Variants in DCAF13 observed in about 807,000 individuals in gnomAD.
The protein encoded by DCAF13 is DDB1- and CUL4-associated factor 13.
Under a neutral mutation model 59.0 loss-of-function variants are expected in DCAF13, and 38 were observed. The observed-to-expected ratio is 0.64, with a 90% CI of 0.50 to 0.84. The LOEUF (loss-of-function observed/expected upper bound fraction) is 0.84, where lower values mean the gene tolerates loss of function less well. Ranked by LOEUF, DCAF13 falls within the 40% of genes least tolerant of loss-of-function variation. The probability of loss-of-function intolerance (pLI) is 0.00; values close to 1 mark genes in which losing one functional copy is unlikely to be tolerated. For synonymous variants in DCAF13, 173 were observed against 175.0 expected (o/e 0.99, Z 0.09); for missense variants, 469 against 558.4 (o/e 0.84, Z 1.61).
At position 103,441,479 on chromosome 8, in the gene DCAF13, A is replaced by G. The variant is rs765410014; in HGVS notation, c.1111A>G (p.Lys371Glu). ...GCTTACATCACGAGAAAAAGCAGCC[A>G]AGGATTATAACCAGAAATTGAAGGA... is the stretch of plus-strand genomic sequence containing the variant. The part of the protein sequence containing the change: ...GVLTSREKAA[K>E]DYNQKLKEKF... Residue 371 changes from lysine (K) to glutamate (E), a missense_variant, in exon 10 of 11, where the codon AAG becomes GAG. Transcript: ENST00000612750. 1.9e-6 allele frequency: 3 copies of G among 1,589,886 alleles called. No individual in the cohort carries two copies. In the South Asian group the frequency reaches 3.5e-5, roughly 18 times the overall value.
intron 5 of DCAF13, chr8:103,428,837 A>G (rs1816826378): frequency 6.6e-6 from 1 of 152,040 alleles, no homozygotes; most frequent in Non-Finnish European, 1.5e-5. Flanking sequence ...CTAAAATCGT[A>G]ATTATTAGGG....
At chr8:103,426,993 G>A in intron 4 of DCAF13, 104 bp from the exon 5 acceptor site, 1 of 849,054 alleles carries the variant, frequency 1.2e-6, no homozygotes, top group African/African-American at 1.8e-5. Context: ...TTGTGAACAG[G>A]GCTTTTCTCT....
chr8:103,417,184 A>G (rs1246350073), intron 1 of DCAF13, among the ~76,000 whole-genome samples: 1 of 152,176 alleles, frequency 6.6e-6, no homozygotes, highest in Non-Finnish European at 1.5e-5. Context: ...CAAAGTGGGG[A>G]ATTGATTCCA....
At chr8:103,424,988 C>G (rs1274266814) in intron 3 of DCAF13, among the ~76,000 whole-genome samples, 1 of 152,178 alleles carries the variant, frequency 6.6e-6, no homozygotes, top group Non-Finnish European at 1.5e-5. Context: ...AAAGACATCG[C>G]TGTGTAATCT....
chr8:103,427,230 G>C lies in DCAF13; in HGVS notation c.602G>C (p.Ser201Thr). The change falls in exon 5 of 11, where the codon AGT (serine) becomes ACT (threonine). Residue 201 changes from serine to threonine, a missense_variant. Ser to Thr is a moderately conservative substitution (Grantham distance 58, BLOSUM62 1). Transcript: ENST00000612750. ...SMTWGFDSIS[S>T]VKFNPIETFL... ...ACCTGGGGATTTGACAGTATAAGTA[G>C]TGTTAAATTTAACCCAATTGAGGTA... 6.2e-7 allele frequency: 1 copy of C among 1,612,678 alleles called. No homozygotes were observed. Among genetic ancestry groups the C allele is most frequent in the Non-Finnish European group, 8.5e-7 (1 of 1,179,176 alleles).
chr8:103,422,368 G>T (rs1816733548), intron 3 of DCAF13, among the ~76,000 whole-genome samples: 1 of 152,176 alleles, frequency 6.6e-6, no homozygotes, highest in South Asian at 2.1e-4. Context: ...TGAAGCCATA[G>T]TATGGCATCA....
chr8:103,424,258 A>C (rs1002098792), intron 3 of DCAF13, among the ~76,000 whole-genome samples: 2 of 151,940 alleles, frequency 1.3e-5, no homozygotes, highest in East Asian at 1.9e-4. Context: ...CGATCTCCTG[A>C]CCTAGTGATC....
At chr8:103,428,263 C>T (rs1816819387) in intron 5 of DCAF13, 1 of 152,214 alleles carries the variant, frequency 6.6e-6, no homozygotes, top group Non-Finnish European at 1.5e-5. Context: ...CACACACTTT[C>T]TAGAGACGCT....
chr8:103,441,378 A>G, intron 9 of DCAF13, 77 bp from the exon 10 acceptor site: 2 of 1,382,780 alleles, frequency 1.4e-6, no homozygotes, highest in Non-Finnish European at 9.8e-7. Flanking sequence ...TTAGGGGGAA[A>G]AGGGTGCTTT....
intron 1 of DCAF13, among the ~76,000 whole-genome samples, chr8:103,415,785 C>A (rs1266862023): frequency 6.6e-6 from 1 of 152,188 alleles, no homozygotes; most frequent in Non-Finnish European, 1.5e-5. Context: ...AGCTGCTGCT[C>A]TGGGATTGTC....
Position 103,420,277 on chromosome 8 carries a change from T to C in DCAF13, c.84T>C (p.Tyr28=). Residue 28 remains tyrosine, a synonymous_variant, in exon 2 of 11, where the codon TAT becomes TAC. Transcript: ENST00000612750. Reference sequence around the variant, plus strand: ...TTCTTATTTCAGTTCCAAGAAACTATGATCCTGCTTTACATCCTTTTGAGG... The same window carrying C: ...TTCTTATTTCAGTTCCAAGAAACTACGATCCTGCTTTACATCCTTTTGAGG... The part of the protein sequence containing the change: ...KLDLQRVPRN[Y]DPALHPFEVP... 6.2e-7 allele frequency: 1 copy of C among 1,613,760 alleles called. No individual in the cohort carries two copies. Among genetic ancestry groups the C allele is most frequent in the Non-Finnish European group, 8.5e-7 (1 of 1,179,862 alleles).
chr8:103,427,195 A>G lies in DCAF13; in HGVS notation c.567A>G (p.Ile189Met), dbSNP rs759596988. Residue 189 changes from isoleucine to methionine, a missense_variant, in exon 5 of 11, where the codon ATA (isoleucine) becomes ATG (methionine). Physicochemically the swap from Ile to Met is conservative, Grantham distance 10. Coordinates refer to ENST00000612750, the MANE Select transcript of DCAF13 (RefSeq NM_015420.7). ...DIWDEQRTNP[I>M]CSMTWGFDSI... is the part of the protein sequence containing the mutation. ...GGGATGAACAAAGAACTAATCCTAT[A>G]TGTTCAATGACCTGGGGATTTGACA... 1.2e-6 allele frequency: 2 copies of G among 1,613,560 alleles called. No homozygotes were observed. Among genetic ancestry groups the G allele is most frequent in the Non-Finnish European group, 8.5e-7 (1 of 1,179,618 alleles).
chr8:103,427,150 T>G lies in DCAF13; in HGVS notation c.522T>G (p.Cys174Trp). The G allele has an allele frequency of 6.2e-7, 1 of 1,613,472 alleles. No individual in the cohort carries two copies. The highest frequency in any genetic ancestry group is 1.1e-5 in the South Asian group (1 of 91,056). ...HHWKEAVFAT[C>W]GQQVDIWDEQ... Reference sequence around the variant, plus strand: ...GGAAAGAAGCTGTTTTTGCCACATGTGGACAGCAAGTAGACATTTGGGATG... The same window carrying G: ...GGAAAGAAGCTGTTTTTGCCACATGGGGACAGCAAGTAGACATTTGGGATG... Residue 174 changes from cysteine (C) to tryptophan (W), a missense_variant, in exon 5 of 11, where the codon TGT (cysteine) becomes TGG (tryptophan). This residue lies in a region of DCAF13 where 355 missense variants were observed against 399.1 expected (regional missense o/e 0.89). Transcript: ENST00000612750.
At position 103,434,865 on chromosome 8, in the gene DCAF13, C is replaced by T. The variant is rs917050432; in HGVS notation, c.786-761C>T. Among the ~76,000 whole-genome samples the T allele has an allele frequency of 3.3e-5, 5 of 151,968 alleles. No individual in the cohort carries two copies. The South Asian group carries it at 8.3e-4, about 25-fold the overall frequency. Reference sequence around the variant, plus strand: ...GTATAGTTTCTCATTTTGATTCACCCTTTGAAAGGCCATGTTCACTCTTAC... The same window carrying T: ...GTATAGTTTCTCATTTTGATTCACCTTTTGAAAGGCCATGTTCACTCTTAC... On this transcript the variant is annotated intron_variant, in intron 7 of 10. Coordinates refer to ENST00000612750, the MANE Select transcript of DCAF13 (RefSeq NM_015420.7).
Position 103,431,904 on chromosome 8 carries a change from G to A in DCAF13, c.703-755G>A, listed in dbSNP as rs75121891. On this transcript the variant is annotated intron_variant, in intron 6 of 10. Transcript: ENST00000612750. ...AAGAAAATGTAGCCTGGCTTTCAAG[G>A]TGCTCTGAAATCTGGTTCTAATTTG... is the stretch of plus-strand genomic sequence containing the variant. Among the ~76,000 whole-genome samples, 751 of 152,058 alleles carry A rather than the reference G, an allele frequency of 4.9e-3. 22 individuals carry two copies. Among genetic ancestry groups the A allele is most frequent in the Admixed American group, 0.033 (504 of 15,250 alleles).
intron 6 of DCAF13, among the ~76,000 whole-genome samples, chr8:103,431,574 T>C (rs1318488928): frequency 2.0e-5 from 3 of 152,220 alleles, no homozygotes; most frequent in Non-Finnish European, 2.9e-5. Context: ...TGTGATTTAA[T>C]GGGAAGATCC....
intron 1 of DCAF13, among the ~76,000 whole-genome samples, chr8:103,418,243 A>G (rs988827700): frequency 3.3e-5 from 5 of 152,084 alleles, no homozygotes; most frequent in East Asian, 1.9e-4. Flanking sequence ...CTGCCTGGGA[A>G]TGCAGTGGCT....
intron 8 of DCAF13, among the ~76,000 whole-genome samples, chr8:103,438,397 C>A (rs913862116): frequency 4.0e-5 from 6 of 151,458 alleles, no homozygotes; most frequent in Non-Finnish European, 8.8e-5. Context: ...TGTAAAAGAC[C>A]AGTTTTGTGA....
At position 103,440,275 on chromosome 8, in the gene DCAF13, A is replaced by G; in HGVS notation, c.1086+4A>G. 1 of 1,567,576 alleles carries G rather than the reference A, an allele frequency of 6.4e-7. No homozygotes were observed. ...TGCTTCTGAAAAATTGGGTGTGGTA[A>G]GAGAATTCATTTTCTTTCATTGTCA... On this transcript the variant is annotated splice_donor_region_variant and intron_variant, in intron 9 of 10. Transcript: ENST00000612750.
Sources: gnomAD v4.1 joint callset for allele counts (sites outside exome capture counted in the v4.1 genomes callset) on GRCh38, gnomAD v4.1.1 for gene constraint, gnomAD v4.1.1 regional missense constraint, MANE v1.5 for transcripts, NCBI Gene and HGNC (gene_info 2026-07-23, HGNC 2026-07-21) for gene names.